The following MSRA variants were observed in gnomAD, a reference collection of about 807,000 sequenced individuals.
MSRA encodes mitochondrial peptide methionine sulfoxide reductase.
A neutral mutation model predicts 31.3 loss-of-function variants in MSRA; 54 were observed. The observed-to-expected ratio is 1.73, with a 90% CI of 1.39 to 2.17. The LOEUF (loss-of-function observed/expected upper bound fraction) is 2.17. Ranked by LOEUF, MSRA falls within the 30% of genes most tolerant of loss-of-function variation. The pLI, the probability that MSRA is intolerant of heterozygous loss-of-function variation, is 0.00. For missense variants in MSRA, 507 were observed against 300.9 expected, an observed-to-expected ratio of 1.69 and a Z score of -5.07; for synonymous variants, 169 against 116.5, an observed-to-expected ratio of 1.45 and a Z score of -2.90.
intron 5 of MSRA, among the ~76,000 whole-genome samples, chr8:10,358,207 G>C (rs113827777): frequency 0.01 from 1,541 of 152,276 alleles, 25 homozygotes; most frequent in African/African-American, 0.035. Context: ...GGGATTGCAG[G>C]TGTGAGCCAC....
chr8:10,306,322 A>C (rs532696776), intron 4 of MSRA, among the ~76,000 whole-genome samples: 28 of 152,312 alleles, frequency 1.8e-4, no homozygotes, highest in African/African-American at 6.7e-4. Flanking sequence ...AAATAACATG[A>C]AAATGGTATA....
intron 2 of MSRA, among the ~76,000 whole-genome samples, chr8:10,225,700 G>C (rs540090703): frequency 6.6e-6 from 1 of 152,106 alleles, no homozygotes; most frequent in Non-Finnish European, 1.5e-5. Flanking sequence ...GCCAGCTCTC[G>C]TTTTGATGTA....
intron 1 of MSRA, among the ~76,000 whole-genome samples, chr8:10,161,401 C>T (rs1057387999): frequency 6.6e-5 from 10 of 152,142 alleles, no homozygotes; most frequent in African/African-American, 2.4e-4. Flanking sequence ...GATGAGTCCC[C>T]AAGCACTGCT....
At chr8:10,222,775 A>C (rs1268451218) in intron 2 of MSRA, among the ~76,000 whole-genome samples, 1 of 152,232 alleles carries the variant, frequency 6.6e-6, no homozygotes, top group African/African-American at 2.4e-5. Context: ...TGTATGTGGA[A>C]TGTTTAGAAA....
intron 5 of MSRA, among the ~76,000 whole-genome samples, chr8:10,407,412 G>T (rs987366653): frequency 6.6e-6 from 1 of 152,164 alleles, no homozygotes; most frequent in Non-Finnish European, 1.5e-5. Context: ...CCTTAGAGGT[G>T]GCGATGAGGG....
At chr8:10,329,996 A>C (rs967829440) in intron 5 of MSRA, among the ~76,000 whole-genome samples, 3 of 134,768 alleles carry the variant, frequency 2.2e-5, no homozygotes, top group African/African-American at 8.5e-5. Context: ...GATATTTGGG[A>C]GAGAAAAAAA....
chr8:10,171,380 T>A (rs1218951064), intron 1 of MSRA, among the ~76,000 whole-genome samples: 1 of 151,978 alleles, frequency 6.6e-6, no homozygotes, highest in Non-Finnish European at 1.5e-5. Context: ...TTTTTTTTTT[T>A]TTTTAACAGA....
chr8:10,143,682 T>C (rs1425588237), intron 1 of MSRA, among the ~76,000 whole-genome samples: 3 of 152,116 alleles, frequency 2.0e-5, no homozygotes, highest in South Asian at 2.1e-4. Flanking sequence ...TCCTCTGATA[T>C]CTACCCTCAT....
chr8:10,332,286 T>A (rs770101765), intron 5 of MSRA, among the ~76,000 whole-genome samples: 5 of 152,234 alleles, frequency 3.3e-5, no homozygotes, highest in African/African-American at 1.2e-4. Flanking sequence ...TAAATAGACA[T>A]GGGTAAATGT....
chr8:10,141,906 C>G (rs189907757), intron 1 of MSRA, among the ~76,000 whole-genome samples: 1 of 152,298 alleles, frequency 6.6e-6, no homozygotes, highest in East Asian at 1.9e-4. Flanking sequence ...ATGACTGGAT[C>G]ACGAGATTTA....
intron 5 of MSRA, among the ~76,000 whole-genome samples, chr8:10,372,133 G>A (rs1328798315): frequency 6.6e-6 from 1 of 152,198 alleles, no homozygotes; most frequent in Non-Finnish European, 1.5e-5. Flanking sequence ...CTCTGGAAGG[G>A]CATCGTTAGC....
intron 3 of MSRA, among the ~76,000 whole-genome samples, chr8:10,254,581 A>G (rs563573488): frequency 5.3e-5 from 8 of 152,322 alleles, no homozygotes; most frequent in Middle Eastern, 6.8e-3. Context: ...TCACAGTCCC[A>G]TGAGATAGAG....
At chr8:10,125,989 C>T (rs1238524698) in intron 1 of MSRA, among the ~76,000 whole-genome samples, 1 of 152,234 alleles carries the variant, frequency 6.6e-6, no homozygotes, top group East Asian at 1.9e-4. Flanking sequence ...ATGTCAGAGT[C>T]TCCTACAGAA....
At chr8:10,320,228 G>C (rs970864290) in intron 5 of MSRA, 4 of 306,644 alleles carry the variant, frequency 1.3e-5, no homozygotes, top group Non-Finnish European at 2.4e-5. Context: ...CAGTACTTTG[G>C]GGGGCCGAAG....
chr8:10,149,123 C>CT (rs35648929), intron 1 of MSRA, among the ~76,000 whole-genome samples: 251 of 141,494 alleles, frequency 1.8e-3, no homozygotes, highest in African/African-American at 6.3e-3. Flanking sequence ...ACCTGGCTAA[C>CT]TTTTTTTTTT....
At chr8:10,210,356 A>G (rs932491377) in intron 2 of MSRA, among the ~76,000 whole-genome samples, 1 of 152,222 alleles carries the variant, frequency 6.6e-6, no homozygotes, top group Non-Finnish European at 1.5e-5. Context: ...CTCTCTCTGC[A>G]CTGGTTCAAG....
intron 1 of MSRA, among the ~76,000 whole-genome samples, chr8:10,195,202 A>T (rs1347723920): frequency 5.3e-5 from 8 of 152,216 alleles, no homozygotes; most frequent in Non-Finnish European, 1.2e-4. Flanking sequence ...TGGAAGCTCA[A>T]CTGGGATGAA....
rs563147153 is a variant in MSRA at position 10,334,217 on chromosome 8, T to C, written c.543+14228T>C. On this transcript the variant is annotated intron_variant, in intron 5 of 5. Coordinates refer to ENST00000317173, the MANE Select transcript of MSRA (RefSeq NM_012331.5). The stretch of plus-strand genomic sequence containing the variant: ...GTGTGTGTGTGTGTGTGTGTGTGTC[T>C]GGGTATATATACACACACATTTATA... Among the ~76,000 whole-genome samples, 18 of 148,514 alleles carry C rather than the reference T, an allele frequency of 1.2e-4. No homozygotes were observed. In the South Asian group the frequency reaches 3.7e-3, roughly 30 times the overall value.
chr8:10,224,959 C>T (rs1480505310), intron 2 of MSRA, among the ~76,000 whole-genome samples: 1 of 152,116 alleles, frequency 6.6e-6, no homozygotes. Flanking sequence ...GCCAGCATGG[C>T]AAAACCCATC....
Sources: gnomAD v4.1 joint callset for allele counts (sites outside exome capture counted in the v4.1 genomes callset) on GRCh38, gnomAD v4.1.1 for gene constraint, MANE v1.5 for transcripts, NCBI Gene and HGNC (gene_info 2026-07-23, HGNC 2026-07-21) for gene names.